The following IL26 variants were observed in gnomAD, a reference collection of about 807,000 sequenced individuals.
The protein encoded by IL26 is interleukin 26.
A neutral mutation model predicts 21.7 loss-of-function variants in IL26; 23 were observed. That is an observed-to-expected ratio of 1.06 (90% CI 0.76 to 1.50). IL26 has a LOEUF of 1.50. Ranked by LOEUF, IL26 falls within the 40% of genes most tolerant of loss-of-function variation. IL26 has a pLI of 0.00. For synonymous variants in IL26, 63 were observed against 67.8 expected (o/e 0.93, Z 0.34); for missense variants, 204 against 196.0 (o/e 1.04, Z -0.24).
chr12:68,206,117 G>C (rs1250735300), intron 3 of IL26, among the ~76,000 whole-genome samples: 11 of 152,144 alleles, frequency 7.2e-5, no homozygotes, highest in African/African-American at 2.7e-4. Context: ...ATTCTATGAA[G>C]TTATGTACGA....
chr12:68,209,698 T>C (rs1301639769), intron 3 of IL26, among the ~76,000 whole-genome samples: 1 of 152,108 alleles, frequency 6.6e-6, no homozygotes, highest in Non-Finnish European at 1.5e-5. Flanking sequence ...TTACATTATA[T>C]CAGACATGCA....
At chr12:68,222,547 C>T (rs961138943) in intron 3 of IL26, among the ~76,000 whole-genome samples, 3 of 152,150 alleles carry the variant, frequency 2.0e-5, no homozygotes, top group African/African-American at 7.2e-5. Flanking sequence ...AAGCATTATC[C>T]CAGAGTACCG....
intron 3 of IL26, among the ~76,000 whole-genome samples, chr12:68,222,681 A>C (rs1262307617): frequency 6.6e-6 from 1 of 152,172 alleles, no homozygotes; most frequent in Non-Finnish European, 1.5e-5. Context: ...TGCAGAACGG[A>C]AGGCCCCCTC....
chr12:68,204,317 GTA>G (rs940198795), intron 3 of IL26, among the ~76,000 whole-genome samples: 2 of 151,810 alleles, frequency 1.3e-5, no homozygotes, highest in Admixed American at 6.6e-5. Context: ...CTGATTTTTT[GTA>G]TTTTTAGTAG....
Position 68,201,362 on chromosome 12 carries a change from A to C in IL26, c.*483T>G, listed in dbSNP as rs945315409. 1 of 152,676 alleles carries C rather than the reference A, an allele frequency of 6.5e-6. No individual in the cohort carries two copies. Among genetic ancestry groups the C allele is most frequent in the African/African-American group, 2.4e-5 (1 of 41,454 alleles). 9.5% of individuals were successfully genotyped at this position (152,676 alleles called of 1,614,324 possible). A position where few individuals can be genotyped will look rare whatever the true frequency, so the allele number is the denominator to read the frequency against. On this transcript the variant is annotated 3_prime_UTR_variant, in exon 5 of 5. Coordinates refer to ENST00000229134, the MANE Select transcript of IL26 (RefSeq NM_018402.2). ...AAGGACACCCAGGAGAAGGAAACCC[A>C]ATTTATTTAATTAAAATCAAAATGT... is the stretch of plus-strand genomic sequence containing the variant.
At chr12:68,213,668 G>A (rs183665120) in intron 3 of IL26, among the ~76,000 whole-genome samples, 162 of 151,882 alleles carry the variant, frequency 1.1e-3, no homozygotes, top group Middle Eastern at 3.4e-3. Flanking sequence ...ATAATTTTCC[G>A]TAATATTCTG....
At chr12:68,224,466 C>CCTTTTTTAAAAAA (rs1869170354) in intron 3 of IL26, among the ~76,000 whole-genome samples, 1 of 151,910 alleles carries the variant, frequency 6.6e-6, no homozygotes, top group Non-Finnish European at 1.5e-5. Flanking sequence ...CCAAAGAAGG[C>CCTTTTTTAAAAAA]ATGTCTATCC....
At chr12:68,211,742 A>G (rs1868736287) in intron 3 of IL26, among the ~76,000 whole-genome samples, 1 of 152,036 alleles carries the variant, frequency 6.6e-6, no homozygotes, top group Admixed American at 6.5e-5. Flanking sequence ...GCTTTTTGCT[A>G]TTGAGTTCTT....
Position 68,225,617 on chromosome 12 carries a change from A to G in IL26, c.140T>C (p.Ile47Thr). 1 of 1,614,124 alleles carries G rather than the reference A, an allele frequency of 6.2e-7. No homozygotes were observed. Among genetic ancestry groups the G allele is most frequent in the Non-Finnish European group, 8.5e-7 (1 of 1,179,984 alleles). The change falls in exon 1 of 5, where the codon ATC (isoleucine) becomes ACC (threonine). Residue 47 changes from isoleucine (I) to threonine (T), a missense_variant. Transcript: ENST00000229134. ...CGTTGCTTTGAGCCATGCTGCTTTG[A>G]TATAGAGAGCGTCAACAGCTTGGGA... ...TLSQAVDALY[I>T]KAAWLKATIP... is the part of the protein sequence containing the mutation.
rs1418483094 is a variant in IL26 at position 68,225,766 on chromosome 12, C to T, written c.-10G>A. ...TGAAATTCACCAGCATTTCCCTTCA[C>T]CCCACTCAGCGTGTGTCACTCACAG... On this transcript the variant is annotated 5_prime_UTR_variant, in exon 1 of 5. It adds an upstream start codon to the 5' untranslated region. Transcript: ENST00000229134. 7 of 1,612,976 alleles carry T rather than the reference C, an allele frequency of 4.3e-6. No homozygotes were observed. Among genetic ancestry groups the T allele is most frequent in the Non-Finnish European group, 5.1e-6 (6 of 1,179,318 alleles).
chr12:68,223,885 T>TTTTTTTTTTTTTTTTTTTTC (rs1869138713), intron 3 of IL26, among the ~76,000 whole-genome samples: 1 of 77,044 alleles, frequency 1.3e-5, no homozygotes, highest in Non-Finnish European at 4.3e-5. Flanking sequence ...AATTTGGTGG[T>TTTTTTTTTTTTTTTTTTTTC]TTTTTTTTTT....
chr12:68,218,218 A>C (rs1224500374), intron 3 of IL26, among the ~76,000 whole-genome samples: 1 of 125,372 alleles, frequency 8.0e-6, no homozygotes, highest in Non-Finnish European at 1.6e-5. Context: ...GATGCTGTAA[A>C]ATATGACCCA....
At chr12:68,215,944 A>G (rs182696791) in intron 3 of IL26, among the ~76,000 whole-genome samples, 4 of 150,690 alleles carry the variant, frequency 2.7e-5, no homozygotes, top group African/African-American at 9.7e-5. Context: ...TCAGCCTCCC[A>G]AAGTGCTGGG....
At chr12:68,212,657 T>C (rs1006555275) in intron 3 of IL26, among the ~76,000 whole-genome samples, 2 of 152,120 alleles carry the variant, frequency 1.3e-5, no homozygotes, top group African/African-American at 4.8e-5. Context: ...TATCTTATAT[T>C]TTTGCAGCTA....
Position 68,225,518 on chromosome 12 carries a change from G to C in IL26, c.172-18C>G. On this transcript the variant is annotated intron_variant, in intron 1 of 4. Transcript: ENST00000229134. ...CGGTCTTCCTACAATAATACAAAGA[G>C]AAATAAGTTGTATCCAAGATTGTAA... 1 of 1,597,970 alleles carries C rather than the reference G, an allele frequency of 6.3e-7. No homozygotes were observed. The highest frequency in any genetic ancestry group is 8.6e-7 in the Non-Finnish European group (1 of 1,166,704).
intron 3 of IL26, among the ~76,000 whole-genome samples, chr12:68,202,600 T>G (rs1329326447): frequency 6.6e-6 from 1 of 152,134 alleles, no homozygotes; most frequent in African/African-American, 2.4e-5. Context: ...GGAAGTGCCA[T>G]ACTTTTAAAC....
Position 68,225,494 on chromosome 12 carries a change from G to A in IL26, c.178C>T (p.Arg60Cys), listed in dbSNP as rs371830939. The change falls in exon 2 of 5, where the codon CGC (arginine) becomes TGC (cysteine). Residue 60 changes from arginine to cysteine, a missense_variant. By Grantham distance (180) the Arg-to-Cys change is radical (BLOSUM62 -3). Transcript: ENST00000229134. ...AWLKATIPED[R>C]IKNIRLLKKK... is the part of the protein sequence containing the mutation. ...TTTAATAATCGTATATTTTTTATGC[G>A]GTCTTCCTACAATAATACAAAGAGA... is the stretch of plus-strand genomic sequence containing the variant. 188 of 1,591,974 alleles carry A rather than the reference G, an allele frequency of 1.2e-4. No homozygotes were observed. The highest frequency in any genetic ancestry group is 1.5e-4 in the Admixed American group (9 of 59,756).
Sources: gnomAD v4.1 joint callset for allele counts (sites outside exome capture counted in the v4.1 genomes callset) on GRCh38, gnomAD v4.1.1 for gene constraint, MANE v1.5 for transcripts, NCBI Gene and HGNC (gene_info 2026-07-23, HGNC 2026-07-21) for gene names.